Variants in DYNC1I1 observed in about 807,000 individuals in gnomAD.
The protein encoded by DYNC1I1 is dynein cytoplasmic 1 intermediate chain 1.
A neutral mutation model predicts 86.6 loss-of-function variants in DYNC1I1; 43 were observed. That is an observed-to-expected ratio of 0.50 (90% CI 0.39 to 0.64). DYNC1I1 has a LOEUF of 0.64. DYNC1I1 is among the 30% of genes least tolerant of loss of function. DYNC1I1 has a pLI of 0.00. For synonymous variants in DYNC1I1, 262 were observed against 283.7 expected, an observed-to-expected ratio of 0.92 and a Z score of 0.77; for missense variants, 604 against 788.8, an observed-to-expected ratio of 0.77 and a Z score of 2.81.
chr7:95,885,668 G>A (rs529685386), intron 6 of DYNC1I1, among the ~76,000 whole-genome samples: 3 of 152,134 alleles, frequency 2.0e-5, no homozygotes, highest in South Asian at 4.2e-4. Context: ...TTAATTTTTT[G>A]TAGAGACAGG....
intron 6 of DYNC1I1, among the ~76,000 whole-genome samples, chr7:95,890,315 C>T (rs1790704432): frequency 6.6e-6 from 1 of 152,148 alleles, no homozygotes; most frequent in Non-Finnish European, 1.5e-5. Flanking sequence ...TTATCCTTAA[C>T]AAAAATGCAG....
At chr7:95,955,049 A>G (rs1337439152) in intron 6 of DYNC1I1, among the ~76,000 whole-genome samples, 1 of 151,844 alleles carries the variant, frequency 6.6e-6, no homozygotes, top group Non-Finnish European at 1.5e-5. Flanking sequence ...ACAAACTATT[A>G]GTTATCAGTC....
At chr7:95,801,860 T>C (rs543712912) in intron 1 of DYNC1I1, among the ~76,000 whole-genome samples, 1 of 152,298 alleles carries the variant, frequency 6.6e-6, no homozygotes, top group East Asian at 1.9e-4. Flanking sequence ...CGACTTCTCT[T>C]GGAAAGAAAA....
chr7:96,046,017 C>T (rs548521031), intron 14 of DYNC1I1, among the ~76,000 whole-genome samples: 2 of 152,302 alleles, frequency 1.3e-5, no homozygotes, highest in East Asian at 1.9e-4. Flanking sequence ...CCTCCCTCTA[C>T]TCCCACAGCA....
intron 5 of DYNC1I1, among the ~76,000 whole-genome samples, chr7:95,849,600 A>G (rs1376403950): frequency 1.3e-5 from 2 of 152,162 alleles, no homozygotes; most frequent in Non-Finnish European, 2.9e-5. Flanking sequence ...TGCCAGTACC[A>G]TGCTGTTCTG....
chr7:96,059,803 TTG>T (rs1292556290), intron 14 of DYNC1I1, among the ~76,000 whole-genome samples: 2 of 152,204 alleles, frequency 1.3e-5, no homozygotes, highest in East Asian at 3.9e-4. Flanking sequence ...TTGACTTGGT[TTG>T]TGTGAGGAAC....
intron 14 of DYNC1I1, among the ~76,000 whole-genome samples, chr7:96,075,500 TA>T (rs1223844090): frequency 6.6e-6 from 1 of 152,182 alleles, no homozygotes; most frequent in Non-Finnish European, 1.5e-5. Flanking sequence ...TAATCCTCTT[TA>T]AAATATTTGC....
chr7:95,878,231 G>A (rs1790360082), intron 6 of DYNC1I1, among the ~76,000 whole-genome samples: 1 of 151,982 alleles, frequency 6.6e-6, no homozygotes, highest in Admixed American at 6.6e-5. Context: ...TGCCTGTGAG[G>A]GCAACTAGAT....
At chr7:95,997,583 T>TGTGTGTGTGTGTG (rs1554429142) in intron 10 of DYNC1I1, among the ~76,000 whole-genome samples, 1 of 142,756 alleles carries the variant, frequency 7.0e-6, no homozygotes, top group Admixed American at 7.1e-5. Context: ...AAGGGCATTC[T>TGTGTGTGTGTGTG]TGTGTGTGTG....
intron 6 of DYNC1I1, among the ~76,000 whole-genome samples, chr7:95,952,350 C>A (rs1186532394): frequency 1.3e-5 from 2 of 152,088 alleles, no homozygotes; most frequent in Non-Finnish European, 2.9e-5. Flanking sequence ...TACTTTCCTC[C>A]CCTTTGCAAC....
intron 14 of DYNC1I1, 23 bp from the exon 15 acceptor site, chr7:96,076,034 T>C (rs1001861146): frequency 4.3e-6 from 7 of 1,609,202 alleles, no homozygotes; most frequent in African/African-American, 2.7e-5. Flanking sequence ...CCACAAAGTC[T>C]TCACGGTCTC....
intron 16 of DYNC1I1, among the ~76,000 whole-genome samples, chr7:96,104,912 A>G (rs747085348): frequency 9.2e-5 from 14 of 152,132 alleles, no homozygotes; most frequent in South Asian, 2.1e-4. Context: ...TTAAAAAAAC[A>G]TACTGCTTGG....
intron 6 of DYNC1I1, among the ~76,000 whole-genome samples, chr7:95,889,372 G>T (rs375005809): frequency 2.6e-5 from 4 of 152,110 alleles, no homozygotes; most frequent in Admixed American, 1.3e-4. Flanking sequence ...TCAATAAATA[G>T]TTCTGGGACA....
chr7:95,853,852 T>C (rs1789645244), intron 5 of DYNC1I1, among the ~76,000 whole-genome samples: 1 of 152,214 alleles, frequency 6.6e-6, no homozygotes, highest in Non-Finnish European at 1.5e-5. Flanking sequence ...CATTTATAAA[T>C]GTTATGGATA....
intron 6 of DYNC1I1, among the ~76,000 whole-genome samples, chr7:95,941,902 G>T (rs1321171429): frequency 1.3e-5 from 2 of 152,214 alleles, no homozygotes; most frequent in Non-Finnish European, 2.9e-5. Flanking sequence ...TGTCGCTCAT[G>T]CTGGGAGCTG....
chr7:96,032,108 G>T (rs1002277738), intron 11 of DYNC1I1, among the ~76,000 whole-genome samples: 2 of 152,006 alleles, frequency 1.3e-5, no homozygotes, highest in African/African-American at 2.4e-5. Context: ...TATCTCACCA[G>T]GTACATTGTG....
intron 10 of DYNC1I1, among the ~76,000 whole-genome samples, chr7:95,997,582 CTTGTGTGTGTGTGTGTGT>C (rs1793898541): frequency 8.5e-6 from 1 of 117,144 alleles, no homozygotes; most frequent in African/African-American, 4.0e-5. Context: ...AAAGGGCATT[CTTGTGTGTGTGTGTGTGT>C]GTGTGTGTGT....
intron 5 of DYNC1I1, among the ~76,000 whole-genome samples, chr7:95,868,261 G>A (rs1190336920): frequency 6.6e-6 from 1 of 152,142 alleles, no homozygotes; most frequent in Non-Finnish European, 1.5e-5. Context: ...GCGTTTGTTT[G>A]TTTATTTGCT....
intron 10 of DYNC1I1, among the ~76,000 whole-genome samples, chr7:96,019,978 A>T (rs1471070112): frequency 6.6e-6 from 1 of 152,052 alleles, no homozygotes; most frequent in Non-Finnish European, 1.5e-5. Context: ...CAGGGAAAAT[A>T]GGCAAAGAAA....
Sources: allele counts gnomAD v4.1 joint callset (sites outside exome capture counted in the v4.1 genomes callset), GRCh38; gene constraint gnomAD v4.1.1; transcripts MANE v1.5; gene names NCBI Gene and HGNC (gene_info 2026-07-23, HGNC 2026-07-21).